The following BCAS3 variants were observed in gnomAD, a reference collection of about 807,000 sequenced individuals.
BCAS3 encodes BCAS3 microtubule associated cell migration factor.
BCAS3 carries 53 observed loss-of-function variants against 116.1 expected under a neutral mutation model. That is an observed-to-expected ratio of 0.46 (90% CI 0.37 to 0.57). The LOEUF (loss-of-function observed/expected upper bound fraction) is 0.57, where lower values mean the gene tolerates loss of function less well. Ranked by LOEUF, BCAS3 falls within the 20% of genes least tolerant of loss-of-function variation. The pLI is 0.00. For synonymous variants in BCAS3, 391 were observed against 408.2 expected (o/e 0.96, Z 0.51); for missense variants, 917 against 1,165.4 (o/e 0.79, Z 3.10).
intron 7 of BCAS3, among the ~76,000 whole-genome samples, chr17:60,809,602 T>C (rs1236861762): frequency 6.6e-6 from 1 of 152,184 alleles, no homozygotes; most frequent in Non-Finnish European, 1.5e-5. Flanking sequence ...CATCTCTGAG[T>C]GGCAGGTATT....
intron 7 of BCAS3, among the ~76,000 whole-genome samples, chr17:60,851,031 G>T (rs987458096): frequency 6.6e-6 from 1 of 152,124 alleles, no homozygotes; most frequent in African/African-American, 2.4e-5. Context: ...GAGTTTTGGC[G>T]ATGACCTCTT....
At chr17:60,999,780 A>G (rs1027960620) in intron 15 of BCAS3, among the ~76,000 whole-genome samples, 1 of 152,166 alleles carries the variant, frequency 6.6e-6, no homozygotes, top group South Asian at 2.1e-4. Flanking sequence ...CTTCCAATCC[A>G]TGGGCATGGA....
intron 5 of BCAS3, among the ~76,000 whole-genome samples, chr17:60,716,832 T>C (rs540740250): frequency 9.2e-4 from 140 of 152,324 alleles, no homozygotes; most frequent in African/African-American, 2.9e-3. Context: ...TCCAGCCATG[T>C]CAGTTATACT....
At chr17:60,821,837 C>A (rs570528963) in intron 7 of BCAS3, 1 of 152,064 alleles carries the variant, frequency 6.6e-6, no homozygotes, top group Non-Finnish European at 1.5e-5. Flanking sequence ...TACTGTGCCT[C>A]ACTAATTTTT....
At chr17:60,729,046 C>T (rs564369058) in intron 5 of BCAS3, among the ~76,000 whole-genome samples, 17 of 152,236 alleles carry the variant, frequency 1.1e-4, no homozygotes, top group African/African-American at 4.1e-4. Context: ...ATTAGTTTTG[C>T]ATGCATTGAA....
intron 22 of BCAS3, among the ~76,000 whole-genome samples, chr17:61,142,211 C>T (rs757626728): frequency 2.6e-5 from 4 of 152,004 alleles, no homozygotes; most frequent in Non-Finnish European, 4.4e-5. Flanking sequence ...ATTTTAGAGA[C>T]GAGGAGACAA....
chr17:61,024,646 GTTTT>G (rs11369553), intron 16 of BCAS3, among the ~76,000 whole-genome samples: 4 of 146,870 alleles, frequency 2.7e-5, no homozygotes, highest in Non-Finnish European at 6.1e-5. Flanking sequence ...AAATCTCGAG[GTTTT>G]TTTTTTTAAG....
rs906441812 is a variant in BCAS3, at chr17:61,056,678, G to C, written c.2029+15786G>C. Among the ~76,000 whole-genome samples the C allele has an allele frequency of 3.9e-5, 6 of 152,170 alleles. No individual in the cohort carries two copies. Among genetic ancestry groups the C allele is most frequent in the African/African-American group, 7.2e-5 (3 of 41,446 alleles). On this transcript the variant is annotated intron_variant, in intron 19 of 23. Coordinates refer to ENST00000407086, the MANE Select transcript of BCAS3 (RefSeq NM_017679.5). The surrounding 1 kb of genome is among the most constrained non-coding windows in gnomAD (Gnocchi z 4.9). ...CTACACAGAGATTTGAAGAAACTCA[G>C]TTTATTACACTGAATTAGCTGCCAT...
chr17:60,811,637 G>T (rs2048834475), intron 7 of BCAS3, among the ~76,000 whole-genome samples: 6 of 152,044 alleles, frequency 3.9e-5, no homozygotes. Context: ...TATGTATAAA[G>T]AATTAAAGGA....
rs1242780045 is a variant in BCAS3, at chr17:61,095,080, C to T, written c.2425+10516C>T. ...TGATATAGTTTCAGATTCCACATTG[C>T]AACTAATTTGTTAAGGATCATATCA... On this transcript the variant is annotated intron_variant, in intron 22 of 23. Transcript: ENST00000407086. The surrounding 1 kb of genome is among the most constrained non-coding windows in gnomAD (Gnocchi z 4.7). Among the ~76,000 whole-genome samples, 1 of 152,124 alleles carries T rather than the reference C, an allele frequency of 6.6e-6. No individual in the cohort carries two copies. Among genetic ancestry groups the T allele is most frequent in the African/African-American group, 2.4e-5 (1 of 41,438 alleles).
At chr17:60,987,739 T>G (rs2063236230) in intron 14 of BCAS3, among the ~76,000 whole-genome samples, 1 of 152,128 alleles carries the variant, frequency 6.6e-6, no homozygotes, top group African/African-American at 2.4e-5. Flanking sequence ...GGTGGAGTCT[T>G]TAGGTTTTTC....
At position 61,316,403 on chromosome 17, in the gene BCAS3, T is replaced by C. The variant is rs2054737419; in HGVS notation, c.2426-51924T>C. Among the ~76,000 whole-genome samples the C allele has an allele frequency of 1.3e-5, 2 of 152,198 alleles. No homozygotes were observed. Among genetic ancestry groups the C allele is most frequent in the African/African-American group, 4.8e-5 (2 of 41,452 alleles). Reference sequence around the variant, plus strand: ...TAAGGAAAGCCTAAGATGTCATTCTTAGAGCAGCAGAAGAGATGATGTTCA... The same window carrying C: ...TAAGGAAAGCCTAAGATGTCATTCTCAGAGCAGCAGAAGAGATGATGTTCA... On this transcript the variant is annotated intron_variant, in intron 22 of 23. Transcript: ENST00000407086. The surrounding 1 kb of genome is among the most constrained non-coding windows in gnomAD (Gnocchi z 5.8).
chr17:61,070,115 C>T, intron 19 of BCAS3: 1 of 1,572,432 alleles, frequency 6.4e-7, no homozygotes, highest in South Asian at 1.1e-5. Flanking sequence ...TTTCCGCTGA[C>T]CACTGAGTCT....
rs761288171 is a variant in BCAS3 at position 60,910,648 on chromosome 17, T to C, written c.939T>C (p.Pro313=). 1.9e-6 allele frequency: 3 copies of C among 1,613,050 alleles called. No individual in the cohort carries two copies. Among genetic ancestry groups the C allele is most frequent in the East Asian group, 2.2e-5 (1 of 44,746 alleles). ...VAIHSNSRRS[P]LVPGIITVID... ...TCCACAGTAATTCACGGCGGAGTCC[T>C]TTGGTCCCAGGCATCATCACAGTTA... Residue 313 remains proline (P), a synonymous_variant, in exon 12 of 24, where the codon CCT becomes CCC. Transcript: ENST00000407086.
intron 23 of BCAS3, among the ~76,000 whole-genome samples, chr17:61,382,325 A>G (rs949940201): frequency 2.7e-5 from 4 of 150,342 alleles, no homozygotes; most frequent in Admixed American, 2.6e-4. Context: ...CAATGGCACG[A>G]CCTCAGCTCA....
At chr17:61,100,583 TC>T (rs1258315594) in intron 22 of BCAS3, among the ~76,000 whole-genome samples, 3 of 152,204 alleles carry the variant, frequency 2.0e-5, no homozygotes, top group Non-Finnish European at 4.4e-5. Context: ...TGTTTTTCAT[TC>T]TAGACTATGA....
chr17:61,260,322 TA>T (rs1201719725), intron 22 of BCAS3, among the ~76,000 whole-genome samples: 1 of 152,110 alleles, frequency 6.6e-6, no homozygotes, highest in Admixed American at 6.6e-5. Flanking sequence ...GAGAAACCCA[TA>T]GTACGTTAGA....
intron 7 of BCAS3, among the ~76,000 whole-genome samples, chr17:60,848,965 G>C (rs2052792515): frequency 6.6e-6 from 1 of 151,494 alleles, no homozygotes; most frequent in Admixed American, 6.5e-5. Context: ...ATGAGCCAGA[G>C]GCTCAGCCAG....
At chr17:60,819,921 C>G (rs1007261958) in intron 7 of BCAS3, among the ~76,000 whole-genome samples, 1 of 152,096 alleles carries the variant, frequency 6.6e-6, no homozygotes, top group Non-Finnish European at 1.5e-5. Flanking sequence ...AGCCACCATG[C>G]CTGGTTTATT....
Sources: gnomAD v4.1 joint callset for allele counts (sites outside exome capture counted in the v4.1 genomes callset) on GRCh38, gnomAD v4.1.1 for gene constraint, Gnocchi (gnomAD v3.1) non-coding constraint, MANE v1.5 for transcripts, NCBI Gene and HGNC (gene_info 2026-07-23, HGNC 2026-07-21) for gene names.